ACVR1: variants seen among roughly 807,000 people sequenced by gnomAD.
ACVR1 encodes activin A receptor type 1.
In ACVR1, 38 loss-of-function variants were observed where a neutral mutation model predicts 57.1. That is an observed-to-expected ratio of 0.67 (90% CI 0.51 to 0.87). The LOEUF is 0.87. Among genes scored for constraint, ACVR1 ranks in the 40% least tolerant of loss-of-function variants. The pLI, the probability that ACVR1 is intolerant of heterozygous loss-of-function variation, is 0.00. For missense variants in ACVR1, 463 were observed against 638.2 expected (o/e 0.73, Z 2.96); for synonymous variants, 212 against 228.1 (o/e 0.93, Z 0.63).
chr2:157,844,844 T>G (rs1689081177), intron 1 of ACVR1, among the ~76,000 whole-genome samples: 1 of 152,002 alleles, frequency 6.6e-6, no homozygotes, highest in Non-Finnish European at 1.5e-5. Context: ...CATGCTCTTA[T>G]AAAAAAAGAG....
At chr2:157,856,170 TGG>T (rs1479791501) in intron 1 of ACVR1, among the ~76,000 whole-genome samples, 7 of 152,180 alleles carry the variant, frequency 4.6e-5, no homozygotes, top group African/African-American at 1.7e-4. Flanking sequence ...TTTTTTCCTG[TGG>T]CTATAATTAA....
At chr2:157,861,726 T>C (rs770396885) in intron 1 of ACVR1, among the ~76,000 whole-genome samples, 1 of 152,240 alleles carries the variant, frequency 6.6e-6, no homozygotes, top group Non-Finnish European at 1.5e-5. Flanking sequence ...AGGTTTAATG[T>C]AGTCACAGCT....
chr2:157,743,405 G>A (rs1684851015), intron 9 of ACVR1, among the ~76,000 whole-genome samples: 1 of 152,002 alleles, frequency 6.6e-6, no homozygotes, highest in Non-Finnish European at 1.5e-5. Flanking sequence ...CAACAAGAAT[G>A]TGAGCACCTT....
intron 1 of ACVR1, among the ~76,000 whole-genome samples, chr2:157,870,877 T>A (rs981117011): frequency 6.6e-6 from 1 of 152,226 alleles, no homozygotes; most frequent in Non-Finnish European, 1.5e-5. Flanking sequence ...CGTCCCCACT[T>A]TCCAAACTCA....
intron 9 of ACVR1, among the ~76,000 whole-genome samples, chr2:157,742,025 G>A (rs1684794692): frequency 6.6e-6 from 1 of 152,144 alleles, no homozygotes; most frequent in South Asian, 2.1e-4. Flanking sequence ...TTGGAGAGGT[G>A]GAGAGAAGTT....
Position 157,825,601 on chromosome 2 carries a change from G to C in ACVR1, c.-182-7042C>G, listed in dbSNP as rs112446186. ...TGAACTGCACATGTGGGGAATCTAG[G>C]TTGTACACTCCTTATGAGAATCTAA... On this transcript the variant is annotated intron_variant, in intron 1 of 10. Coordinates refer to ENST00000434821, the MANE Select transcript of ACVR1 (RefSeq NM_001111067.4). 2.3e-3 allele frequency among the ~76,000 whole-genome samples: 347 copies of C among 152,296 alleles called. 2 individuals are homozygous for C. Among genetic ancestry groups the C allele is most frequent in the Middle Eastern group, 0.01 (3 of 294 alleles).
chr2:157,760,138 GA>G lies in ACVR1; in HGVS notation c.1264+741del, dbSNP rs1685585580. 2.0e-5 allele frequency among the ~76,000 whole-genome samples: 3 copies of G among 152,104 alleles called. No individual in the cohort carries two copies. The South Asian group carries it at 6.2e-4, about 31-fold the overall frequency. ...AAAGAAATAAAATACATTCAATGTG[GA>G]AAAAGGGAAGTCAAATTGTCCCTCT... On this transcript the variant is annotated intron_variant, in intron 9 of 10. Coordinates refer to ENST00000434821, the MANE Select transcript of ACVR1 (RefSeq NM_001111067.4).
chr2:157,864,946 A>ATT lies in ACVR1; in HGVS notation c.-183+10848_-183+10849dup, dbSNP rs78643315. On this transcript the variant is annotated intron_variant, in intron 1 of 10. Transcript: ENST00000434821. ...TAAATGCCTACTTACCACTCACCAT[A>ATT]TTTTTTTTTTTTTAAAAAGGTGATC... 2.7e-5 allele frequency among the ~76,000 whole-genome samples: 4 copies of ATT among 146,086 alleles called. No homozygotes were observed. The East Asian group carries it at 5.9e-4, about 22-fold the overall frequency.
chr2:157,809,743 C>T (rs1029731635), intron 2 of ACVR1, among the ~76,000 whole-genome samples: 7 of 152,082 alleles, frequency 4.6e-5, no homozygotes, highest in African/African-American at 1.7e-4. Context: ...AGGTAGAAAG[C>T]CGATAGAGTA....
At chr2:157,856,549 G>T (rs1364803085) in intron 1 of ACVR1, among the ~76,000 whole-genome samples, 1 of 152,172 alleles carries the variant, frequency 6.6e-6, no homozygotes, top group African/African-American at 2.4e-5. Context: ...AAACTAACAA[G>T]TATTTATTGA....
intron 3 of ACVR1, among the ~76,000 whole-genome samples, chr2:157,792,375 TCCAGTGTTATGAC>T (rs1686950079): frequency 6.6e-6 from 1 of 152,164 alleles, no homozygotes; most frequent in African/African-American, 2.4e-5. Flanking sequence ...CCACAGCTGC[TCCAGTGTTATGAC>T]CCAGGCTGAG....
chr2:157,763,506 C>G (rs1182560735), intron 8 of ACVR1, among the ~76,000 whole-genome samples: 1 of 152,130 alleles, frequency 6.6e-6, no homozygotes, highest in African/African-American at 2.4e-5. Flanking sequence ...GTCACTTGAG[C>G]TCAGGTGTTC....
rs1240600134 is a variant in ACVR1, at chr2:157,780,436, T to C, written c.232A>G (p.Lys78Glu). 3.7e-6 allele frequency: 6 copies of C among 1,614,180 alleles called. No individual in the cohort carries two copies. Among genetic ancestry groups the C allele is most frequent in the Non-Finnish European group, 5.1e-6 (6 of 1,180,026 alleles). Residue 78 changes from lysine to glutamate, a missense_variant, in exon 4 of 11, where the codon AAG (lysine) becomes GAG (glutamate). Lys to Glu is a moderately conservative substitution (Grantham distance 56). Around this residue, in one of 3 missense-constraint regions of ACVR1, gnomAD observed 203 missense variants for 235.5 expected, o/e 0.86. Coordinates refer to ENST00000434821, the MANE Select transcript of ACVR1 (RefSeq NM_001111067.4). ...GACGGCGGGGTCTTACAGGTCATCTTTCCCTGCTCATAAACCTGGAAGCAG... is the reference window on the plus strand; with the variant it reads ...GACGGCGGGGTCTTACAGGTCATCTCTCCCTGCTCATAAACCTGGAAGCAG... ...KGCFQVYEQG[K>E]MTCKTPPSPG...
At chr2:157,752,493 A>C (rs1037695617) in intron 9 of ACVR1, among the ~76,000 whole-genome samples, 12 of 152,340 alleles carry the variant, frequency 7.9e-5, no homozygotes, top group Admixed American at 6.5e-4. Flanking sequence ...AGAATTCAGA[A>C]GGTCGTTTAT....
intron 1 of ACVR1, among the ~76,000 whole-genome samples, chr2:157,857,726 G>C (rs1022328277): frequency 6.6e-6 from 1 of 152,258 alleles, no homozygotes; most frequent in Admixed American, 6.5e-5. Flanking sequence ...TGTCAGCACC[G>C]TAAGAAATCC....
chr2:157,815,718 A>C (rs1486846821), intron 2 of ACVR1, among the ~76,000 whole-genome samples: 1 of 152,232 alleles, frequency 6.6e-6, no homozygotes, highest in Admixed American at 6.5e-5. Context: ...GAAGTGTCTC[A>C]AAATGCTCAA....
At chr2:157,770,255 T>C in intron 7 of ACVR1, 113 bp downstream of exon 7, 1 of 1,151,478 alleles carries the variant, frequency 8.7e-7, no homozygotes, top group Non-Finnish European at 1.3e-6. Flanking sequence ...AGGATCCCTA[T>C]ATTGCTTTTT....
At chr2:157,805,813 CTTTTTTCTTTTTTTTTTTTTT>C (rs1189633475) in intron 2 of ACVR1, among the ~76,000 whole-genome samples, 1 of 96,874 alleles carries the variant, frequency 1.0e-5, no homozygotes. Flanking sequence ...TTTTTTTTTT[CTTTTTTCTTTTTTTTTTTTTT>C]TTTTTTTGAG....
chr2:157,804,381 G>T (rs1687443520), intron 2 of ACVR1, among the ~76,000 whole-genome samples: 1 of 152,098 alleles, frequency 6.6e-6, no homozygotes, highest in Non-Finnish European at 1.5e-5. Context: ...TTTTTTTAAT[G>T]TTGGAATAAT....
Sources: allele counts gnomAD v4.1 joint callset (sites outside exome capture counted in the v4.1 genomes callset), GRCh38; gene constraint gnomAD v4.1.1; regional missense constraint gnomAD v4.1.1; transcripts MANE v1.5; gene names NCBI Gene and HGNC (gene_info 2026-07-23, HGNC 2026-07-21).